ZEB1: variants seen among roughly 807,000 people sequenced by gnomAD.
ZEB1 encodes zinc finger E-box binding homeobox 1.
ZEB1 carries 21 observed loss-of-function variants against 84.9 expected under a neutral mutation model. That is an observed-to-expected ratio of 0.25 (90% CI 0.18 to 0.36). ZEB1 has a LOEUF of 0.36. Ranked by LOEUF, ZEB1 falls within the 10% of genes least tolerant of loss-of-function variation. ZEB1 has a pLI of 1.00. For synonymous variants in ZEB1, 420 were observed against 471.1 expected (o/e 0.89, Z 1.41); for missense variants, 1,104 against 1,330.2 (o/e 0.83, Z 2.65).
At chr10:31,338,588 T>G (rs1277587951) in intron 1 of ZEB1, among the ~76,000 whole-genome samples, 1 of 152,192 alleles carries the variant, frequency 6.6e-6, no homozygotes, top group East Asian at 1.9e-4. Flanking sequence ...ATTGTCAGAT[T>G]ATGATGAAAT....
chr10:31,469,312 C>T (rs1347946416), intron 2 of ZEB1, among the ~76,000 whole-genome samples: 1 of 152,172 alleles, frequency 6.6e-6, no homozygotes, highest in Non-Finnish European at 1.5e-5. Flanking sequence ...GGGTTCATCT[C>T]ACTAGGGAGT....
chr10:31,450,804 T>C (rs767148625), intron 1 of ZEB1, among the ~76,000 whole-genome samples: 17 of 152,166 alleles, frequency 1.1e-4, no homozygotes, highest in Non-Finnish European at 1.9e-4. Context: ...TAATATTAAG[T>C]AATGTTTGCT....
At chr10:31,405,563 T>C (rs1392651441) in intron 1 of ZEB1, among the ~76,000 whole-genome samples, 1 of 152,178 alleles carries the variant, frequency 6.6e-6, no homozygotes, top group Non-Finnish European at 1.5e-5. Flanking sequence ...GTAAACTTTA[T>C]TTTTTAAAGA....
intron 1 of ZEB1, among the ~76,000 whole-genome samples, chr10:31,350,888 A>T (rs1007809268): frequency 3.3e-5 from 5 of 152,226 alleles, no homozygotes; most frequent in African/African-American, 1.2e-4. Flanking sequence ...TTTCAAACTA[A>T]GCCTTTGAGT....
At chr10:31,447,984 C>A (rs373761921) in intron 1 of ZEB1, among the ~76,000 whole-genome samples, 1 of 151,448 alleles carries the variant, frequency 6.6e-6, no homozygotes, top group Non-Finnish European at 1.5e-5. Flanking sequence ...GGGAAGTTCT[C>A]CTGGATAATA....
At chr10:31,475,101 C>T (rs1451903689) in intron 2 of ZEB1, among the ~76,000 whole-genome samples, 1 of 151,642 alleles carries the variant, frequency 6.6e-6, no homozygotes. Flanking sequence ...GGGAGATATA[C>T]CTAATGCTAG....
At chr10:31,368,495 TA>T (rs2045021517) in intron 1 of ZEB1, among the ~76,000 whole-genome samples, 2 of 152,214 alleles carry the variant, frequency 1.3e-5, no homozygotes, top group Admixed American at 1.3e-4. Context: ...AGCTTACTTA[TA>T]ATACCTAATA....
intron 1 of ZEB1, among the ~76,000 whole-genome samples, chr10:31,327,813 G>A (rs746504888): frequency 3.0e-4 from 45 of 152,158 alleles, no homozygotes; most frequent in Admixed American, 5.9e-4. Context: ...GCCAGCCTTC[G>A]GTATTGTACA....
chr10:31,380,497 A>G (rs530526160), intron 1 of ZEB1, among the ~76,000 whole-genome samples: 5 of 152,252 alleles, frequency 3.3e-5, no homozygotes, highest in East Asian at 3.9e-4. Context: ...TGCCAACCCA[A>G]TCTCTCTATT....
intron 1 of ZEB1, among the ~76,000 whole-genome samples, chr10:31,420,222 A>T (rs1313448285): frequency 6.6e-6 from 1 of 152,130 alleles, no homozygotes; most frequent in Non-Finnish European, 1.5e-5. Context: ...CTGCGTAACA[A>T]ATGACAAGAA....
chr10:31,334,764 A>G (rs1004314296), intron 1 of ZEB1, among the ~76,000 whole-genome samples: 3 of 152,270 alleles, frequency 2.0e-5, no homozygotes, highest in African/African-American at 7.2e-5. Flanking sequence ...TGAATGATCA[A>G]CTTTATTTTA....
intron 3 of ZEB1, among the ~76,000 whole-genome samples, chr10:31,501,699 T>A (rs2068156783): frequency 6.6e-6 from 1 of 152,148 alleles, no homozygotes; most frequent in African/African-American, 2.4e-5. Context: ...ATATATACTA[T>A]ACTGTTTCCT....
At chr10:31,428,372 T>C (rs1351081092) in intron 1 of ZEB1, among the ~76,000 whole-genome samples, 2 of 152,180 alleles carry the variant, frequency 1.3e-5, no homozygotes, top group African/African-American at 2.4e-5. Context: ...ATTGTATGAG[T>C]GAGTGAATTT....
intron 1 of ZEB1, among the ~76,000 whole-genome samples, chr10:31,441,287 A>G (rs571198506): frequency 6.6e-6 from 1 of 152,356 alleles, no homozygotes; most frequent in South Asian, 2.1e-4. Flanking sequence ...GACAAACCTG[A>G]CAAAAAGAAG....
At chr10:31,395,865 A>C (rs2050620294) in intron 1 of ZEB1, among the ~76,000 whole-genome samples, 1 of 152,222 alleles carries the variant, frequency 6.6e-6, no homozygotes, top group East Asian at 1.9e-4. Flanking sequence ...TATGCCAGCC[A>C]GTTATGATTC....
intron 1 of ZEB1, among the ~76,000 whole-genome samples, chr10:31,449,233 C>G (rs144263502): frequency 6.6e-6 from 1 of 152,238 alleles, no homozygotes; most frequent in African/African-American, 2.4e-5. Flanking sequence ...TGACCCCTTG[C>G]GCTTCCCAGG....
intron 1 of ZEB1, among the ~76,000 whole-genome samples, chr10:31,427,177 C>T (rs1457313366): frequency 6.6e-6 from 1 of 151,944 alleles, no homozygotes; most frequent in Admixed American, 6.5e-5. Context: ...TGTAATAGTG[C>T]TAGCATTTAC....
intron 1 of ZEB1, among the ~76,000 whole-genome samples, chr10:31,417,887 C>T (rs767016247): frequency 3.9e-5 from 6 of 151,980 alleles, no homozygotes; most frequent in Non-Finnish European, 1.5e-5. Flanking sequence ...ATTCTCTCAG[C>T]CTGCTTATAG....
Position 31,520,509 on chromosome 10 carries a change from C to A in ZEB1, c.1177C>A (p.Gln393Lys), listed in dbSNP as rs1429021087. 6.2e-7 allele frequency: 1 copy of A among 1,613,648 alleles called. No homozygotes were observed. Among genetic ancestry groups the A allele is most frequent in the Non-Finnish European group, 8.5e-7 (1 of 1,179,750 alleles). Residue 393 changes from glutamine to lysine, a missense_variant, in exon 7 of 9, where the codon CAA (glutamine) becomes AAA (lysine). Gln to Lys is a moderately conservative substitution (Grantham distance 53). Transcript: ENST00000424869. The surrounding 1 kb of genome is among the most constrained non-coding windows in gnomAD (Gnocchi z 5.1). ...AACCAGTTCTCCTCAGGGCATGGTG[C>A]AAGCTGTTGTTCTGCCAACAGTTGG... ...QATSSPQGMV[Q>K]AVVLPTVGLV...
Sources: gnomAD v4.1 joint callset for allele counts (sites outside exome capture counted in the v4.1 genomes callset) on GRCh38, gnomAD v4.1.1 for gene constraint, Gnocchi (gnomAD v3.1) non-coding constraint, MANE v1.5 for transcripts, NCBI Gene and HGNC (gene_info 2026-07-23, HGNC 2026-07-21) for gene names.